ABCD2: variants seen among roughly 807,000 people sequenced by gnomAD.
The protein encoded by ABCD2 is ATP binding cassette subfamily D member 2, also known as ATP-binding cassette sub-family D member 2.
A neutral mutation model predicts 70.9 loss-of-function variants in ABCD2; 36 were observed. That is an observed-to-expected ratio of 0.51 (90% CI 0.39 to 0.67). The LOEUF is 0.67. ABCD2 is among the 30% of genes least tolerant of loss of function. ABCD2 has a pLI of 0.00. For synonymous variants in ABCD2, 304 were observed against 306.9 expected (o/e 0.99, Z 0.10); for missense variants, 729 against 890.2 (o/e 0.82, Z 2.30).
intron 9 of ABCD2, among the ~76,000 whole-genome samples, chr12:39,570,895 A>G (rs1471288495): frequency 6.6e-6 from 1 of 152,210 alleles, no homozygotes; most frequent in Non-Finnish European, 1.5e-5. Context: ...ACAACTAAAT[A>G]GCAAGAAAAT....
intron 8 of ABCD2, among the ~76,000 whole-genome samples, chr12:39,576,526 T>C (rs1464015779): frequency 6.6e-6 from 1 of 152,162 alleles, no homozygotes; most frequent in Non-Finnish European, 1.5e-5. Flanking sequence ...AAAATACACA[T>C]CACTAAAAAT....
At chr12:39,538,787 G>A in the ABCD2 span, among the ~76,000 whole-genome samples, 5 of 152,182 alleles carry the variant, frequency 3.3e-5, no homozygotes, top group East Asian at 1.9e-4. Context: ...GAAGAGAGCC[G>A]GCGGGAAGAC....
rs183527561 is a variant in ABCD2, at chr12:39,593,298, G to A, written c.1647-7001C>T. ...GATAGCATCTCACTCTGTTGCCCAG[G>A]CCAGAGTGCAGTGGTGCAATCATGG... On this transcript the variant is annotated intron_variant, in intron 6 of 9. Transcript: ENST00000308666. Among the ~76,000 whole-genome samples the A allele has an allele frequency of 7.2e-5, 11 of 152,078 alleles. No homozygotes were observed. The East Asian group carries it at 2.1e-3, about 29-fold the overall frequency.
intron 3 of ABCD2, 33 bp from the exon 4 acceptor site, chr12:39,604,963 A>G (rs1941950357): frequency 6.7e-7 from 1 of 1,499,726 alleles, no homozygotes; most frequent in African/African-American, 1.4e-5. Flanking sequence ...AAATAGAGTT[A>G]CTATATCCAA....
Position 39,619,271 on chromosome 12 carries a change from G to A in ABCD2, c.345C>T (p.Ile115=), listed in dbSNP as rs780247896. 6.2e-7 allele frequency: 1 copy of A among 1,614,168 alleles called. No individual in the cohort carries two copies. The highest frequency in any genetic ancestry group is 1.7e-5 in the Admixed American group (1 of 60,022). ...CATAGATAGAAAGAAAGGTTCTTGA[G>A]ATTAGAGCCACTGAGTGCAGGCAGA... ...GWLCLHSVAL[I]SRTFLSIYVA... is the part of the protein sequence containing the mutation. Residue 115 remains isoleucine (I), a synonymous_variant, in exon 1 of 10, where the codon ATC becomes ATT. Transcript: ENST00000308666.
chr12:39,617,206 G>T, intron 1 of ABCD2, 38 bp from the exon 2 acceptor site: 2 of 1,370,262 alleles, frequency 1.5e-6, no homozygotes, highest in South Asian at 1.7e-5. Flanking sequence ...TTTTTTTAAA[G>T]ATATATACAT....
intron 9 of ABCD2, among the ~76,000 whole-genome samples, chr12:39,567,760 G>C (rs545975327): frequency 7.2e-5 from 11 of 152,254 alleles, no homozygotes; most frequent in Non-Finnish European, 1.6e-4. Context: ...GCAGTGGCTG[G>C]TACCGGTTGT....
chr12:39,604,806 C>G lies in ABCD2; in HGVS notation c.1361G>C (p.Gly454Ala). Reference protein sequence around the residue: ...IQESESHSKNGAKVELPLSDT... With the variant: ...IQESESHSKNAAKVELPLSDT... Reference sequence around the variant, plus strand: ...ACTGAGAGGTAATTCTACCTTAGCTCCATTCTTGCTATGGCTTTCAGATTC... The same window carrying G: ...ACTGAGAGGTAATTCTACCTTAGCTGCATTCTTGCTATGGCTTTCAGATTC... The change falls in exon 4 of 10, where the codon GGA becomes GCA. Residue 454 changes from glycine to alanine, a missense_variant. Transcript: ENST00000308666. 1 of 1,611,218 alleles carries G rather than the reference C, an allele frequency of 6.2e-7. No individual in the cohort carries two copies. Among genetic ancestry groups the G allele is most frequent in the South Asian group, 1.1e-5 (1 of 90,658 alleles).
At chr12:39,588,320 T>C (rs147151249) in intron 6 of ABCD2, among the ~76,000 whole-genome samples, 1 of 152,278 alleles carries the variant, frequency 6.6e-6, no homozygotes, top group African/African-American at 2.4e-5. Flanking sequence ...TGAAACCTTA[T>C]TTAGGAACAG....
intron 3 of ABCD2, among the ~76,000 whole-genome samples, chr12:39,605,660 A>G (rs1941960086): frequency 6.6e-6 from 1 of 152,014 alleles, no homozygotes; most frequent in African/African-American, 2.4e-5. Context: ...CTGTTTTTCT[A>G]TTAAGAGAAC....
the ABCD2 span, among the ~76,000 whole-genome samples, chr12:39,535,957 G>A: frequency 0.34 from 52,047 of 152,034 alleles, 11,051 homozygotes; most frequent in African/African-American, 0.6. Flanking sequence ...AGCCTGGCCA[G>A]CATGGTGAAA....
rs753155865 is a variant in ABCD2, at chr12:39,579,630, TA to T, written c.1793-12del. ...TAACAGCATCCCATCCTTAAGAAAATAAAAAAATATACATTTTTATAAATCA... is the reference window on the plus strand; with the variant it reads ...TAACAGCATCCCATCCTTAAGAAAATAAAAAATATACATTTTTATAAATCA... On this transcript the variant is annotated splice_polypyrimidine_tract_variant and intron_variant, in intron 7 of 9. Transcript: ENST00000308666. 5.7e-6 allele frequency: 9 copies of T among 1,573,444 alleles called. No individual in the cohort carries two copies. The highest frequency in any genetic ancestry group is 1.4e-5 in the African/African-American group (1 of 73,766).
chr12:39,569,027 G>C (rs1941404804), intron 9 of ABCD2, among the ~76,000 whole-genome samples: 1 of 152,158 alleles, frequency 6.6e-6, no homozygotes, highest in Non-Finnish European at 1.5e-5. Flanking sequence ...TGTGGTGTAA[G>C]TCTGCCCCTA....
chr12:39,617,647 G>T (rs1942134381), intron 1 of ABCD2, among the ~76,000 whole-genome samples: 2 of 152,070 alleles, frequency 1.3e-5, no homozygotes, highest in South Asian at 4.1e-4. Flanking sequence ...AAATCAATAT[G>T]ATATAATACA....
intron 9 of ABCD2, among the ~76,000 whole-genome samples, chr12:39,557,168 G>A (rs950712459): frequency 1.3e-5 from 2 of 152,188 alleles, no homozygotes; most frequent in Admixed American, 6.6e-5. Flanking sequence ...AGGCCAGGCT[G>A]AAGTAGTCTC....
chr12:39,551,394 AT>A lies in ABCD2; in HGVS notation c.*2517del, dbSNP rs1211483645. The A allele has an allele frequency of 6.6e-6, 1 of 151,564 alleles. No homozygotes were observed. Among genetic ancestry groups the A allele is most frequent in the African/African-American group, 2.4e-5 (1 of 41,358 alleles). The allele number at this position is 151,564 out of a possible 1,614,324, so 9.4% of individuals were successfully genotyped here. On this transcript the variant is annotated 3_prime_UTR_variant, in exon 10 of 10. Transcript: ENST00000308666. ...ATATTCTTTCTTTTTTCCTTTCCTC[AT>A]CTATCCCTTGCTGTATTCAAAAATG...
chr12:39,564,457 C>A (rs1941310987), intron 9 of ABCD2, among the ~76,000 whole-genome samples: 3 of 152,224 alleles, frequency 2.0e-5, no homozygotes, highest in African/African-American at 7.2e-5. Flanking sequence ...ATATCCTTTG[C>A]CCACTTTTTG....
the ABCD2 span, among the ~76,000 whole-genome samples, chr12:39,535,896 A>T: frequency 6.6e-6 from 1 of 152,168 alleles, no homozygotes; most frequent in Non-Finnish European, 1.5e-5. Flanking sequence ...TAATCCCAGC[A>T]CTTTGGGAGG....
rs924998505 is a variant in ABCD2, at chr12:39,551,480, T to G, written c.*2432A>C. On this transcript the variant is annotated 3_prime_UTR_variant, in exon 10 of 10. Transcript: ENST00000308666. ...AATATAAGAGTAGTAAAATATGGTA[T>G]ACCCATTGGACCATTTGGAAACAAT... The G allele has an allele frequency of 6.6e-6, 1 of 151,764 alleles. No individual in the cohort carries two copies. The highest frequency in any genetic ancestry group is 6.6e-5 in the Admixed American group (1 of 15,220). 9.4% of individuals were successfully genotyped at this position (151,764 alleles called of 1,614,324 possible).
Sources: allele counts gnomAD v4.1 joint callset (sites outside exome capture counted in the v4.1 genomes callset), GRCh38; gene constraint gnomAD v4.1.1; transcripts MANE v1.5; gene names NCBI Gene and HGNC (gene_info 2026-07-23, HGNC 2026-07-21).